Variants in ITGA9 observed in about 807,000 individuals in gnomAD.
ITGA9 encodes integrin alpha-9.
A neutral mutation model predicts 127.8 loss-of-function variants in ITGA9; 56 were observed. The ratio of observed to expected loss-of-function variants is 0.44; its 90% confidence interval spans 0.35 to 0.55. ITGA9 has a LOEUF of 0.55. Among genes scored for constraint, ITGA9 ranks in the 20% least tolerant of loss-of-function variants. The probability of loss-of-function intolerance (pLI) is 0.00; values close to 1 mark genes in which losing one functional copy is unlikely to be tolerated. For synonymous variants in ITGA9, 508 were observed against 514.5 expected, an observed-to-expected ratio of 0.99 and a Z score of 0.17; for missense variants, 1,196 against 1,347.1, an observed-to-expected ratio of 0.89 and a Z score of 1.76.
intron 15 of ITGA9, among the ~76,000 whole-genome samples, chr3:37,552,064 G>T (rs1699383463): frequency 6.6e-6 from 1 of 152,216 alleles, no homozygotes; most frequent in African/African-American, 2.4e-5. Flanking sequence ...GGAAGTGGGG[G>T]AGCCAGCTTC....
chr3:37,617,691 T>C (rs1700088354), intron 15 of ITGA9, among the ~76,000 whole-genome samples: 1 of 152,206 alleles, frequency 6.6e-6, no homozygotes, highest in Non-Finnish European at 1.5e-5. Context: ...TAAACTTCTC[T>C]TCTTGCTTCA....
intron 18 of ITGA9, among the ~76,000 whole-genome samples, chr3:37,694,373 G>C (rs1193085542): frequency 6.6e-6 from 1 of 152,238 alleles, no homozygotes; most frequent in Non-Finnish European, 1.5e-5. Flanking sequence ...CCTTGCATCA[G>C]GGAGAGCCCA....
chr3:37,739,500 T>A (rs1231863741), intron 20 of ITGA9, among the ~76,000 whole-genome samples: 1 of 152,174 alleles, frequency 6.6e-6, no homozygotes, highest in Non-Finnish European at 1.5e-5. Context: ...ACAGTTAAAA[T>A]CTCAATTGTT....
chr3:37,550,439 G>A lies in ITGA9; in HGVS notation c.1689+7854G>A, dbSNP rs149390890. Among the ~76,000 whole-genome samples the A allele has an allele frequency of 3.5e-4, 53 of 152,268 alleles. 1 individual carries two copies. In the Middle Eastern group the frequency reaches 0.024, roughly 68 times the overall value. On this transcript the variant is annotated intron_variant, in intron 15 of 27. Transcript: ENST00000264741. ...TTATGTTCTAGAGCAGTGATGTGCT[G>A]CTAATGTTTAACAACTAGCTCTTGG...
At chr3:37,563,991 T>C (rs1254327168) in intron 15 of ITGA9, among the ~76,000 whole-genome samples, 2 of 152,240 alleles carry the variant, frequency 1.3e-5, no homozygotes, top group Non-Finnish European at 2.9e-5. Flanking sequence ...TAACGACTTT[T>C]ATGTCAAAAA....
chr3:37,812,894 C>T (rs866201540), intron 27 of ITGA9, among the ~76,000 whole-genome samples: 2 of 152,240 alleles, frequency 1.3e-5, no homozygotes, highest in Admixed American at 6.5e-5. Flanking sequence ...CCAGCTTAGC[C>T]CATCATTAAT....
chr3:37,797,648 AC>A (rs1453182190), intron 26 of ITGA9, among the ~76,000 whole-genome samples: 3 of 152,228 alleles, frequency 2.0e-5, no homozygotes, highest in African/African-American at 7.2e-5. Flanking sequence ...TATCAAAAAA[AC>A]ACCTGTTTAC....
At chr3:37,667,271 C>T (rs1337578971) in intron 17 of ITGA9, among the ~76,000 whole-genome samples, 2 of 152,198 alleles carry the variant, frequency 1.3e-5, no homozygotes, top group African/African-American at 4.8e-5. Flanking sequence ...CCAACATTCT[C>T]CAGTACTATG....
chr3:37,773,141 C>T (rs1285157699), intron 23 of ITGA9, among the ~76,000 whole-genome samples: 1 of 152,232 alleles, frequency 6.6e-6, no homozygotes, highest in East Asian at 1.9e-4. Flanking sequence ...TGGAGCTCTG[C>T]TCCCAAGCTT....
At chr3:37,693,954 A>G (rs1320601213) in intron 18 of ITGA9, among the ~76,000 whole-genome samples, 1 of 152,210 alleles carries the variant, frequency 6.6e-6, no homozygotes, top group Non-Finnish European at 1.5e-5. Context: ...TGGCCTGGCC[A>G]TTAAGATGAT....
chr3:37,817,544 C>T (rs1697450651), intron 27 of ITGA9, among the ~76,000 whole-genome samples: 1 of 152,208 alleles, frequency 6.6e-6, no homozygotes, highest in Admixed American at 6.5e-5. Flanking sequence ...GTAGAACGTA[C>T]ACCTCAGGGT....
chr3:37,509,705 C>G (rs1698882131), intron 8 of ITGA9, among the ~76,000 whole-genome samples: 2 of 152,178 alleles, frequency 1.3e-5, no homozygotes, highest in Admixed American at 1.3e-4. Context: ...CAGAATGGCT[C>G]TGCCTTCCCG....
At chr3:37,524,981 C>A (rs1043364055) in intron 12 of ITGA9, among the ~76,000 whole-genome samples, 1 of 152,192 alleles carries the variant, frequency 6.6e-6, no homozygotes, top group Non-Finnish European at 1.5e-5. Context: ...ATTTTAGGAA[C>A]ACTATAATTC....
rs560661778 is a variant in ITGA9, at chr3:37,781,495, A to G, written c.2787+1474A>G. On this transcript the variant is annotated intron_variant, in intron 25 of 27. Transcript: ENST00000264741. The stretch of plus-strand genomic sequence containing the variant: ...TGGTCCAACTTTTGAACCTCAGGTC[A>G]CTTTGCTATTATGAGTTTATCACAG... 3.9e-5 allele frequency among the ~76,000 whole-genome samples: 6 copies of G among 152,326 alleles called. No homozygotes were observed. In the South Asian group the frequency reaches 1.2e-3, roughly 32 times the overall value.
chr3:37,713,275 T>A (rs1326768856), intron 18 of ITGA9, among the ~76,000 whole-genome samples: 2 of 152,214 alleles, frequency 1.3e-5, no homozygotes, highest in African/African-American at 4.8e-5. Context: ...GAAGTTCATG[T>A]GACCTTTCCT....
chr3:37,567,347 T>A (rs1404571791), intron 15 of ITGA9, among the ~76,000 whole-genome samples: 1 of 152,132 alleles, frequency 6.6e-6, no homozygotes, highest in Non-Finnish European at 1.5e-5. Context: ...ACTGGGTCCC[T>A]CCCATGACAG....
Position 37,519,086 on chromosome 3 carries a change from CT to C in ITGA9, c.1142-157del, listed in dbSNP as rs11457089. 2.6e-3 allele frequency among the ~76,000 whole-genome samples: 363 copies of C among 141,312 alleles called. 3 individuals are homozygous for C. Among genetic ancestry groups the C allele is most frequent in the South Asian group, 0.011 (48 of 4,458 alleles). 92.7% of individuals were successfully genotyped at this position (141,312 alleles called of 152,430 possible). ...AGGCGTGAGCCACCACACTGGCCTA[CT>C]TTTTTTTTTTTTTTTTCCCGCTGAG... is the stretch of plus-strand genomic sequence containing the variant. On this transcript the variant is annotated intron_variant, in intron 10 of 27. Transcript: ENST00000264741.
intron 1 of ITGA9, among the ~76,000 whole-genome samples, chr3:37,456,606 G>A (rs949252186): frequency 1.3e-5 from 2 of 152,172 alleles, no homozygotes; most frequent in Non-Finnish European, 2.9e-5. Flanking sequence ...TTCTGGAGAC[G>A]TGCTTCCTGC....
At chr3:37,470,259 G>A (rs779329162) in intron 1 of ITGA9, among the ~76,000 whole-genome samples, 1 of 151,686 alleles carries the variant, frequency 6.6e-6, no homozygotes, top group Non-Finnish European at 1.5e-5. Context: ...GGGTCAAAGG[G>A]TAGGTGCATG....
Sources: allele counts gnomAD v4.1 joint callset (sites outside exome capture counted in the v4.1 genomes callset), GRCh38; gene constraint gnomAD v4.1.1; transcripts MANE v1.5; gene names NCBI Gene and HGNC (gene_info 2026-07-23, HGNC 2026-07-21).